Variants in PPIE observed in about 807,000 individuals in gnomAD.
PPIE encodes peptidylprolyl isomerase E, also known as peptidyl-prolyl cis-trans isomerase E.
A neutral mutation model predicts 38.4 loss-of-function variants in PPIE; 20 were observed. That is an observed-to-expected ratio of 0.52 (90% CI 0.37 to 0.76). The LOEUF (loss-of-function observed/expected upper bound fraction) is 0.76, where lower values mean the gene tolerates loss of function less well. Ranked by LOEUF, PPIE falls within the 30% of genes least tolerant of loss-of-function variation. PPIE has a pLI of 0.00. For missense variants in PPIE, 322 were observed against 385.8 expected, an observed-to-expected ratio of 0.83 and a Z score of 1.39; for synonymous variants, 142 against 135.7, an observed-to-expected ratio of 1.05 and a Z score of -0.32.
At chr1:39,761,723 C>T (rs1195230243), downstream of PPIE, among the ~76,000 whole-genome samples, 1 of 152,186 alleles carries the variant, frequency 6.6e-6, no homozygotes, top group Non-Finnish European at 1.5e-5. Flanking sequence ...GAACATTCCT[C>T]CTCCAGCTGC....
intron 9 of PPIE, chr1:39,763,242 C>T: frequency 1.9e-6 from 3 of 1,549,630 alleles, no homozygotes; most frequent in Non-Finnish European, 1.8e-6. Context: ...TCCATGTGCC[C>T]CTCCCTGAGC....
intron 2 of PPIE, 107 bp from the exon 3 acceptor site, chr1:39,741,259 C>A: frequency 1.1e-6 from 1 of 894,170 alleles, no homozygotes; most frequent in Non-Finnish European, 1.9e-6. Flanking sequence ...TTGGATAGAA[C>A]TTCTGGTGTT....
chr1:39,763,159 T>A, intron 9 of PPIE: 1 of 1,613,890 alleles, frequency 6.2e-7, no homozygotes, highest in African/African-American at 1.3e-5. Flanking sequence ...GCACTCCCCC[T>A]CACAGTAATA....
rs202000106 is a variant in PPIE at position 39,738,921 on chromosome 1, C to T, written c.21C>T (p.Val7=). The part of the protein sequence containing the change: MATTKR[V]LYVGGLAEEV... ...GCAAGATGGCCACCACCAAGCGCGT[C>T]TTGTACGTGGGTGAGCAGGAGGGGT... Residue 7 remains valine, a synonymous_variant, in exon 1 of 10, where the codon GTC becomes GTT. Transcript: ENST00000324379. The T allele has an allele frequency of 2.5e-4, 379 of 1,500,212 alleles. 1 individual carries two copies. Among genetic ancestry groups the T allele is most frequent in the Non-Finnish European group, 2.5e-4 (281 of 1,126,074 alleles). The allele number at this position is 1,500,212 out of a possible 1,614,324, so 92.9% of individuals were successfully genotyped here. A position where few individuals can be genotyped will look rare whatever the true frequency, so the allele number is the denominator to read the frequency against.
At chr1:39,741,700 C>A (rs1264505626) in intron 3 of PPIE, 195 bp from the exon 4 acceptor site, 2 of 647,816 alleles carry the variant, frequency 3.1e-6, no homozygotes, top group Middle Eastern at 2.6e-4. Flanking sequence ...CTTGTGCCTT[C>A]AACTAGATGG....
At chr1:39,745,200 G>A (rs1647162791) in intron 6 of PPIE, among the ~76,000 whole-genome samples, 175 bp from the exon 7 acceptor site, 1 of 152,236 alleles carries the variant, frequency 6.6e-6, no homozygotes, top group South Asian at 2.1e-4. Context: ...CCAGCTGGGT[G>A]CTACGGCCAT....
In PPIE at chr1:39,741,637, A is replaced by G. The variant is rs1569634070; in HGVS notation, c.174+228A>G. 4.8e-6 allele frequency: 3 copies of G among 624,506 alleles called. No homozygotes were observed. The East Asian group carries it at 8.2e-5, about 17-fold the overall frequency. The allele number at this position is 624,506 out of a possible 1,614,324, so 38.7% of individuals were successfully genotyped here. ...CCCATTCTTGCCCTGCAGAGGAGCT[A>G]GCTCATGCACCCCTGTTCATTGAGC... On this transcript the variant is annotated intron_variant, in intron 3 of 9. Coordinates refer to ENST00000324379, the MANE Select transcript of PPIE (RefSeq NM_006112.4).
At chr1:39,742,118 A>G (rs1447110689) in intron 4 of PPIE, 197 bp downstream of exon 4, 1 of 585,514 alleles carries the variant, frequency 1.7e-6, no homozygotes, top group African/African-American at 1.9e-5. Flanking sequence ...ATTTCAGAAT[A>G]ATGTAAGTCC....
Position 39,752,966 on chromosome 1 carries a change from AC to A in PPIE, c.752del (p.Thr251AsnfsTer22). ...PNTNGSQFFL[T>X]CDKTDWLDGK... ...CACCAATGGCTCTCAGTTCTTCCTG[AC>A]ATGTGACAAGACAGACTGGCTGGAT... On this transcript the variant is annotated frameshift_variant, in exon 9 of 10. Coordinates refer to ENST00000324379, the MANE Select transcript of PPIE (RefSeq NM_006112.4). LOFTEE classifies it high-confidence loss of function. 1.9e-6 allele frequency: 3 copies of A among 1,614,194 alleles called. No homozygotes were observed. The highest frequency in any genetic ancestry group is 2.5e-6 in the Non-Finnish European group (3 of 1,180,040).
At position 39,754,123 on chromosome 1, in the gene PPIE, C is replaced by A; in HGVS notation, c.*768C>A. On this transcript the variant is annotated 3_prime_UTR_variant, in exon 10 of 10. Transcript: ENST00000324379. ...CAAACTACATGTGCCTAATCCAGCC[C>A]ACTGCCTGTTTTTATGAATCAGGTT... 1 of 941,886 alleles carries A rather than the reference C, an allele frequency of 1.1e-6. No individual in the cohort carries two copies. Among genetic ancestry groups the A allele is most frequent in the Non-Finnish European group, 1.3e-6 (1 of 790,388 alleles). The allele number at this position is 941,886 out of a possible 1,614,324, so 58.3% of individuals were successfully genotyped here.
In PPIE at chr1:39,756,266, T is replaced by C. The variant is rs2124385101; in HGVS notation, c.*2911T>C. 1 of 985,472 alleles carries C rather than the reference T, an allele frequency of 1.0e-6. No homozygotes were observed. The highest frequency in any genetic ancestry group is 1.2e-6 in the Non-Finnish European group (1 of 829,934). 61.0% of individuals were successfully genotyped at this position (985,472 alleles called of 1,614,324 possible). A position where few individuals can be genotyped will look rare whatever the true frequency, so the allele number is the denominator to read the frequency against. ...AGCAAAGCGGCTTTCCCTGGGACTG[T>C]GTGGCTCCTGTCCCAACTGGCCTCC... On this transcript the variant is annotated 3_prime_UTR_variant, in exon 10 of 10. Coordinates refer to ENST00000324379, the MANE Select transcript of PPIE (RefSeq NM_006112.4).
At chr1:39,743,411 G>C (rs1647110676) in intron 5 of PPIE, 114 bp downstream of exon 5, 2 of 890,386 alleles carry the variant, frequency 2.2e-6, no homozygotes, top group Non-Finnish European at 3.6e-6. Context: ...CTGGTAGATA[G>C]GAGTAGATGA....
intron 8 of PPIE, among the ~76,000 whole-genome samples, chr1:39,750,584 A>C (rs1160582351): frequency 6.6e-6 from 1 of 152,118 alleles, no homozygotes; most frequent in South Asian, 2.1e-4. Flanking sequence ...GAAGTTTCAG[A>C]TTTTGGGGCA....
chr1:39,741,321 C>T, intron 2 of PPIE, 45 bp from the exon 3 acceptor site: 3 of 1,585,586 alleles, frequency 1.9e-6, no homozygotes, highest in Non-Finnish European at 2.6e-6. Flanking sequence ...TTTCTTCCCA[C>T]TACCCCACAT....
rs914956814 is a variant in PPIE, at chr1:39,756,538, G to A, written c.*3183G>A. On this transcript the variant is annotated 3_prime_UTR_variant, in exon 10 of 10. Transcript: ENST00000324379. Reference sequence around the variant, plus strand: ...TGCTCCCAGCATCTGTTGCAGTCATGGCAGCCTCACGGCAACCTCTGAAGA... The same window carrying A: ...TGCTCCCAGCATCTGTTGCAGTCATAGCAGCCTCACGGCAACCTCTGAAGA... 7 of 985,380 alleles carry A rather than the reference G, an allele frequency of 7.1e-6. No individual in the cohort carries two copies. The highest frequency in any genetic ancestry group is 7.2e-6 in the Non-Finnish European group (6 of 829,922). The allele number at this position is 985,380 out of a possible 1,614,324, so 61.0% of individuals were successfully genotyped here. A position where few individuals can be genotyped will look rare whatever the true frequency, so the allele number is the denominator to read the frequency against.
chr1:39,744,163 G>A lies in PPIE; in HGVS notation c.384+239G>A, dbSNP rs146593283. Among the ~76,000 whole-genome samples, 145 of 152,288 alleles carry A rather than the reference G, an allele frequency of 9.5e-4. 2 individuals are homozygous for A. The highest frequency in any genetic ancestry group is 3.2e-3 in the African/African-American group (133 of 41,554). ...GTCCATGTTGTGTTCTATGTGATGA[G>A]TGTCTCAGCTCTGCTCAGGTATGGA... On this transcript the variant is annotated intron_variant, in intron 6 of 9. Coordinates refer to ENST00000324379, the MANE Select transcript of PPIE (RefSeq NM_006112.4).
chr1:39,739,007 C>G (rs1646991205), intron 1 of PPIE, 76 bp downstream of exon 1: 5 of 1,351,954 alleles, frequency 3.7e-6, no homozygotes, highest in Non-Finnish European at 4.8e-6. Flanking sequence ...TGGGACGCAT[C>G]TCTGAACCAG....
At chr1:39,752,880 C>T (rs752236055) in intron 8 of PPIE, 30 bp from the exon 9 acceptor site, 13 of 1,601,342 alleles carry the variant, frequency 8.1e-6, no homozygotes, top group South Asian at 2.2e-5. Flanking sequence ...AGCCAGGGTT[C>T]GGGGAGCTGA....
At position 39,755,278 on chromosome 1, in the gene PPIE, C is replaced by A; in HGVS notation, c.*1923C>A. The A allele has an allele frequency of 1.0e-6, 1 of 985,444 alleles. No individual in the cohort carries two copies. The highest frequency in any genetic ancestry group is 1.2e-6 in the Non-Finnish European group (1 of 829,930). The allele number at this position is 985,444 out of a possible 1,614,324, so 61.0% of individuals were successfully genotyped here. The stretch of plus-strand genomic sequence containing the variant: ...CATCTTGGATTGAGATCTGGATGAG[C>A]CAGGAGGCAGGAGAGGCTAGGTGGT... On this transcript the variant is annotated 3_prime_UTR_variant, in exon 10 of 10. Coordinates refer to ENST00000324379, the MANE Select transcript of PPIE (RefSeq NM_006112.4).
Sources: allele counts gnomAD v4.1 joint callset (sites outside exome capture counted in the v4.1 genomes callset), GRCh38; gene constraint gnomAD v4.1.1; transcripts MANE v1.5; gene names NCBI Gene and HGNC (gene_info 2026-07-23, HGNC 2026-07-21).